Variants in TPCN1 observed in about 807,000 individuals in gnomAD.
TPCN1 encodes the protein two pore channel protein 1.
In TPCN1, 52 loss-of-function variants were observed where a neutral mutation model predicts 108.8. That is an observed-to-expected ratio of 0.48 (90% confidence interval 0.38 to 0.60). The LOEUF (loss-of-function observed/expected upper bound fraction) is 0.60. Among genes scored for constraint, TPCN1 ranks in the 20% least tolerant of loss-of-function variants. The pLI, the probability that TPCN1 is intolerant of heterozygous loss-of-function variation, is 0.00. For synonymous variants in TPCN1, 446 were observed against 433.7 expected, an observed-to-expected ratio of 1.03 and a Z score of -0.35; for missense variants, 806 against 1,072.8, an observed-to-expected ratio of 0.75 and a Z score of 3.47.
chr12:113,291,376 A>T, intron 23 of TPCN1: 1 of 600,500 alleles, frequency 1.7e-6, no homozygotes, highest in Non-Finnish European at 3.0e-6. Flanking sequence ...CCCTACTGGG[A>T]TAAAGGCTGC....
intron 2 of TPCN1, among the ~76,000 whole-genome samples, chr12:113,245,059 T>A (rs543768539): frequency 6.8e-5 from 10 of 147,794 alleles, no homozygotes; most frequent in Non-Finnish European, 1.3e-4. Flanking sequence ...AGCCCAGGAG[T>A]TCAAGACCAG....
chr12:113,237,172 G>T (rs928879792), intron 2 of TPCN1, among the ~76,000 whole-genome samples: 7 of 152,142 alleles, frequency 4.6e-5, no homozygotes, highest in Non-Finnish European at 1.0e-4. Context: ...ACCCTGGGGT[G>T]GGTCAGCCCT....
intron 3 of TPCN1, among the ~76,000 whole-genome samples, chr12:113,265,737 A>G (rs1192077554): frequency 3.3e-5 from 5 of 151,854 alleles, no homozygotes; most frequent in Middle Eastern, 3.4e-3. Flanking sequence ...GGCTCAAGCA[A>G]TCCTCCTGCC....
At position 113,287,002 on chromosome 12, in the gene TPCN1, G is replaced by A; in HGVS notation, c.1542G>A (p.Val514=). Residue 514 remains valine, a synonymous_variant, in exon 19 of 28, where the codon GTG becomes GTA. Coordinates refer to ENST00000335509, the MANE Select transcript of TPCN1 (RefSeq NM_017901.6). The part of the protein sequence containing the change: ...SSGWNLFDFS[V]TVFAFLGLLA... The stretch of plus-strand genomic sequence containing the variant: ...CCTACTGCAGGTTTGACTTCTCCGT[G>A]ACAGTGTTCGCCTTCCTGGGACTGC... 1 of 1,613,744 alleles carries A rather than the reference G, an allele frequency of 6.2e-7. No homozygotes were observed. Among genetic ancestry groups the A allele is most frequent in the East Asian group, 2.2e-5 (1 of 44,884 alleles).
chr12:113,269,289 T>A lies in TPCN1; in HGVS notation c.659+417T>A, dbSNP rs1021866314. ...GGGAGACTCAATCTGGAAAATTCCT[T>A]GGCTGGGCTACTGTTGCTGAGAGTG... On this transcript the variant is annotated intron_variant, in intron 6 of 27. Coordinates refer to ENST00000335509, the MANE Select transcript of TPCN1 (RefSeq NM_017901.6). This position sits in a 1 kb window ranked among gnomAD's most constrained non-coding sequence, Gnocchi z 5.0. 2.6e-5 allele frequency among the ~76,000 whole-genome samples: 4 copies of A among 152,212 alleles called. No homozygotes were observed. The highest frequency in any genetic ancestry group is 7.2e-5 in the African/African-American group (3 of 41,448).
At position 113,272,610 on chromosome 12, in the gene TPCN1, G is replaced by A; in HGVS notation, c.749-48G>A. 6.4e-7 allele frequency: 1 copy of A among 1,574,324 alleles called. No homozygotes were observed. Among genetic ancestry groups the A allele is most frequent in the Non-Finnish European group, 8.7e-7 (1 of 1,143,838 alleles). On this transcript the variant is annotated intron_variant, in intron 7 of 27. Coordinates refer to ENST00000335509, the MANE Select transcript of TPCN1 (RefSeq NM_017901.6). This position sits in a 1 kb window ranked among gnomAD's most constrained non-coding sequence, Gnocchi z 4.1. Reference sequence around the variant, plus strand: ...CCAGTCCTTTTGACACCAGGTTTTGGGACCTCTGCTCTAATCCTTTTGTTT... The same window carrying A: ...CCAGTCCTTTTGACACCAGGTTTTGAGACCTCTGCTCTAATCCTTTTGTTT...
chr12:113,257,021 A>G (rs942491065), intron 2 of TPCN1, among the ~76,000 whole-genome samples: 1 of 152,124 alleles, frequency 6.6e-6, no homozygotes, highest in Admixed American at 6.5e-5. Context: ...TCCAGAGTGT[A>G]TAAAAGAGCT....
chr12:113,265,097 A>G (rs1003978139), intron 3 of TPCN1, among the ~76,000 whole-genome samples: 1 of 152,228 alleles, frequency 6.6e-6, no homozygotes, highest in Non-Finnish European at 1.5e-5. Flanking sequence ...AAGTGCTGGG[A>G]TTACAGGCAT....
In TPCN1 at chr12:113,293,011, CG is replaced by C; in HGVS notation, c.2197del (p.Ala733ProfsTer36). The C allele has an allele frequency of 6.2e-7, 1 of 1,613,198 alleles. No homozygotes were observed. The highest frequency in any genetic ancestry group is 1.1e-5 in the South Asian group (1 of 91,078). Reference protein sequence around the residue: ...VAVLELYREARGASSDVTRLL... With the variant: ...VAVLELYREAXGASSDVTRLL... ...CGTCCTGGAGCTCTACCGGGAGGCA[CG>C]GGGGGCCTCCTCGGATGTCACCAGG... On this transcript the variant is annotated frameshift_variant, in exon 26 of 28. Transcript: ENST00000335509. LOFTEE classifies it high-confidence loss of function.
intron 22 of TPCN1, 136 bp from the exon 23 acceptor site, chr12:113,290,816 G>A: frequency 1.2e-6 from 1 of 803,828 alleles, no homozygotes. Flanking sequence ...CTTTCCTGGA[G>A]CTCACAACCC....
Position 113,244,434 on chromosome 12 carries a change from C to A in TPCN1, c.113-15934C>A, listed in dbSNP as rs554388738. ...ACGTGTGTCAATAATGCGGGTCCACCTTCCATACCATCTTGCAACCAATTA... is the reference window on the plus strand; with the variant it reads ...ACGTGTGTCAATAATGCGGGTCCACATTCCATACCATCTTGCAACCAATTA... On this transcript the variant is annotated intron_variant, in intron 2 of 27. Coordinates refer to ENST00000335509, the MANE Select transcript of TPCN1 (RefSeq NM_017901.6). 7.1e-6 allele frequency: 7 copies of A among 985,446 alleles called. No individual in the cohort carries two copies. The African/African-American group carries it at 1.0e-4, about 15-fold the overall frequency. 61.0% of individuals were successfully genotyped at this position (985,446 alleles called of 1,614,324 possible). A position where few individuals can be genotyped will look rare whatever the true frequency, so the allele number is the denominator to read the frequency against.
chr12:113,285,688 G>T (rs1447786742), intron 17 of TPCN1, among the ~76,000 whole-genome samples: 1 of 152,202 alleles, frequency 6.6e-6, no homozygotes, highest in Non-Finnish European at 1.5e-5. Context: ...TTTCTCTTAA[G>T]CAGATTACCC....
At chr12:113,251,534 G>T (rs1204557042) in intron 2 of TPCN1, among the ~76,000 whole-genome samples, 3 of 152,220 alleles carry the variant, frequency 2.0e-5, no homozygotes, top group African/African-American at 7.2e-5. Flanking sequence ...GCCATGTGTG[G>T]TCTGTGGCCA....
At chr12:113,276,694 T>C (rs1220247718) in intron 10 of TPCN1, among the ~76,000 whole-genome samples, 1 of 152,132 alleles carries the variant, frequency 6.6e-6, no homozygotes, top group Non-Finnish European at 1.5e-5. Flanking sequence ...AATGCCTTCA[T>C]GTATCTGAAG....
At chr12:113,264,870 G>C (rs1449201431) in intron 3 of TPCN1, among the ~76,000 whole-genome samples, 1 of 152,162 alleles carries the variant, frequency 6.6e-6, no homozygotes, top group Admixed American at 6.5e-5. Context: ...ACGGGGCCCA[G>C]GTTGGAGTAT....
At chr12:113,236,955 A>G (rs1464494203) in intron 2 of TPCN1, among the ~76,000 whole-genome samples, 2 of 152,184 alleles carry the variant, frequency 1.3e-5, no homozygotes, top group Admixed American at 6.5e-5. Flanking sequence ...AGCCATTATA[A>G]TTAGGGTCAG....
chr12:113,244,802 T>C (rs1378571842), intron 2 of TPCN1: 5 of 975,606 alleles, frequency 5.1e-6, no homozygotes, highest in Non-Finnish European at 1.2e-6. Context: ...GGTCCCAGTT[T>C]CTGGATGAAG....
chr12:113,277,159 A>G, intron 11 of TPCN1, 81 bp from the exon 12 acceptor site: 2 of 1,604,320 alleles, frequency 1.2e-6, no homozygotes, highest in Non-Finnish European at 1.7e-6. Context: ...AAGAATGAAC[A>G]GAGCTGGAGT....
At chr12:113,222,796 GC>G (rs1953301907) in intron 1 of TPCN1, among the ~76,000 whole-genome samples, 1 of 152,252 alleles carries the variant, frequency 6.6e-6, no homozygotes, top group Admixed American at 6.5e-5. Context: ...GCCCAGGGAA[GC>G]CAAAAGGTTG....
Sources: allele counts gnomAD v4.1 joint callset (sites outside exome capture counted in the v4.1 genomes callset), GRCh38; gene constraint gnomAD v4.1.1; non-coding constraint Gnocchi (gnomAD v3.1); transcripts MANE v1.5; gene names NCBI Gene and HGNC (gene_info 2026-07-23, HGNC 2026-07-21).